The following KDM2B variants were observed in gnomAD, a reference collection of about 807,000 sequenced individuals.
KDM2B encodes lysine demethylase 2B.
Under a neutral mutation model 150.0 loss-of-function variants are expected in KDM2B, and 26 were observed. The ratio of observed to expected loss-of-function variants is 0.17; its 90% CI spans 0.13 to 0.24. The LOEUF (loss-of-function observed/expected upper bound fraction) is 0.24, where lower values mean the gene tolerates loss of function less well. Among genes scored for constraint, KDM2B ranks in the 10% least tolerant of loss-of-function variants. The pLI is 1.00. For missense variants in KDM2B, 1,265 were observed against 1,816.9 expected, an observed-to-expected ratio of 0.70 and a Z score of 5.52; for synonymous variants, 734 against 729.5, an observed-to-expected ratio of 1.01 and a Z score of -0.10.
At chr12:121,551,651 C>G (rs1190676117) in intron 4 of KDM2B, among the ~76,000 whole-genome samples, 3 of 152,292 alleles carry the variant, frequency 2.0e-5, no homozygotes, top group Middle Eastern at 3.4e-3. Flanking sequence ...CTGCGGGGTT[C>G]AAGTGATTCT....
chr12:121,426,440 C>G (rs1326416043), downstream of KDM2B, among the ~76,000 whole-genome samples: 5 of 132,666 alleles, frequency 3.8e-5, no homozygotes, highest in Non-Finnish European at 6.1e-5. Flanking sequence ...GCCTTTCTAC[C>G]CCCTCCCCCC....
intron 12 of KDM2B, among the ~76,000 whole-genome samples, chr12:121,477,838 A>C (rs1176860635): frequency 6.6e-6 from 1 of 151,842 alleles, no homozygotes; most frequent in Non-Finnish European, 1.5e-5. Context: ...TTGGCCTCCC[A>C]AAGTGCTAGG....
Position 121,509,750 on chromosome 12 carries a change from T to C in KDM2B, c.1464A>G (p.Val488=). ...EESVKSTTLA[V]DYPKTPTGSP... ...AGCCGGTGGGGGTCTTGGGGTAGTCTACGGCCAATGTGGTGGACTTCACAC... is the reference window on the plus strand; with the variant it reads ...AGCCGGTGGGGGTCTTGGGGTAGTCCACGGCCAATGTGGTGGACTTCACAC... Residue 488 remains valine, a synonymous_variant, in exon 11 of 23, where the codon GTA becomes GTG. Coordinates refer to ENST00000377071, the MANE Select transcript of KDM2B (RefSeq NM_032590.5). 6.2e-7 allele frequency: 1 copy of C among 1,614,128 alleles called. No individual in the cohort carries two copies. Among genetic ancestry groups the C allele is most frequent in the Non-Finnish European group, 8.5e-7 (1 of 1,180,028 alleles).
intron 6 of KDM2B, among the ~76,000 whole-genome samples, chr12:121,535,660 C>G (rs1317005401): frequency 6.6e-6 from 1 of 152,164 alleles, no homozygotes; most frequent in Non-Finnish European, 1.5e-5. Flanking sequence ...GGAGGAAGAA[C>G]TTGGACCTTG....
At chr12:121,577,799 C>T (rs1413681766) in intron 2 of KDM2B, among the ~76,000 whole-genome samples, 2 of 152,138 alleles carry the variant, frequency 1.3e-5, no homozygotes, top group East Asian at 3.9e-4. Context: ...TTCAAAACCC[C>T]AATCCCGCAG....
Position 121,494,595 on chromosome 12 carries a change from G to A in KDM2B, c.1718C>T (p.Pro573Leu). Residue 573 changes from proline to leucine, a missense_variant, in exon 12 of 23, where the codon CCA (proline) becomes CTA (leucine). Pro to Leu is a moderately conservative substitution (Grantham distance 98, BLOSUM62 -3). Around this residue, in one of 11 missense-constraint regions of KDM2B, gnomAD observed 69 missense variants for 85.7 expected, o/e 0.81. Coordinates refer to ENST00000377071, the MANE Select transcript of KDM2B (RefSeq NM_032590.5). ...GCGTCTTACCTTTGGAGTCTTCTTTGGCCAAGTCACCACAGGGACCCCAGT... is the reference window on the plus strand; with the variant it reads ...GCGTCTTACCTTTGGAGTCTTCTTTAGCCAAGTCACCACAGGGACCCCAGT... ...AITGVPVVTW[P>L]KKTPKNRAVG... The A allele has an allele frequency of 1.2e-6, 2 of 1,613,154 alleles. No individual in the cohort carries two copies. Among genetic ancestry groups the A allele is most frequent in the Non-Finnish European group, 1.7e-6 (2 of 1,179,562 alleles).
chr12:121,521,901 C>G lies in KDM2B; in HGVS notation c.932-801G>C, dbSNP rs28508242. Reference sequence around the variant, plus strand: ...AGGCGGGAAGATCGCTTGAGCTCAGCAGTTTGAGATCAGCCTGGACAATAT... The same window carrying G: ...AGGCGGGAAGATCGCTTGAGCTCAGGAGTTTGAGATCAGCCTGGACAATAT... On this transcript the variant is annotated intron_variant, in intron 8 of 22. Coordinates refer to ENST00000377071, the MANE Select transcript of KDM2B (RefSeq NM_032590.5). The surrounding 1 kb of genome is among the most constrained non-coding windows in gnomAD (Gnocchi z 4.9). Among the ~76,000 whole-genome samples the G allele has an allele frequency of 0.14, 21,578 of 151,690 alleles. 4,307 individuals are homozygous for G. Among genetic ancestry groups the G allele is most frequent in the African/African-American group, 0.44 (18,320 of 41,352 alleles).
At position 121,481,740 on chromosome 12, in the gene KDM2B, T is replaced by C. The variant is rs56840708; in HGVS notation, c.1734+12839A>G. Among the ~76,000 whole-genome samples the C allele has an allele frequency of 4.0e-3, 608 of 151,262 alleles. 24 individuals are homozygous for C. The East Asian group carries it at 0.083, about 21-fold the overall frequency. ...GAGCCCTCAAGATCTCAATTGCTTT[T>C]CAAGAACTTATCTTAGGGTTTTTTT... On this transcript the variant is annotated intron_variant, in intron 12 of 22. Coordinates refer to ENST00000377071, the MANE Select transcript of KDM2B (RefSeq NM_032590.5).
rs371434576 is a variant in KDM2B, at chr12:121,549,564, G to A, written c.472C>T (p.Arg158Cys). ...GTEMSMSQFVRYYETPEAQRD... is the reference protein window; with the variant it reads ...GTEMSMSQFVCYYETPEAQRD... Reference sequence around the variant, plus strand: ...TGGGCCTCGGGCGTCTCGTAGTAACGCACAAACTGGGACATGCTCATCTCC... The same window carrying A: ...TGGGCCTCGGGCGTCTCGTAGTAACACACAAACTGGGACATGCTCATCTCC... Residue 158 changes from arginine to cysteine, a missense_variant, in exon 5 of 23, where the codon CGT becomes TGT. By Grantham distance (180) the Arg-to-Cys change is radical. Around this residue, in one of 11 missense-constraint regions of KDM2B, gnomAD observed 214 missense variants for 447.4 expected, o/e 0.48. Transcript: ENST00000377071. The surrounding 1 kb of genome is among the most constrained non-coding windows in gnomAD (Gnocchi z 4.4). The A allele has an allele frequency of 1.9e-6, 3 of 1,613,178 alleles. No individual in the cohort carries two copies. The highest frequency in any genetic ancestry group is 1.1e-5 in the South Asian group (1 of 91,016).
chr12:121,564,661 A>G (rs567143453), intron 4 of KDM2B, among the ~76,000 whole-genome samples: 4 of 152,262 alleles, frequency 2.6e-5, no homozygotes, highest in African/African-American at 9.6e-5. Flanking sequence ...TGCGATGTTC[A>G]CTGAATAGAA....
chr12:121,493,479 G>A (rs190103935), intron 12 of KDM2B, among the ~76,000 whole-genome samples: 4 of 152,244 alleles, frequency 2.6e-5, no homozygotes, highest in South Asian at 2.1e-4. Context: ...GAGGCAGACG[G>A]ATGGTACAGA....
chr12:121,420,356 G>T, the KDM2B span: 2 of 1,555,386 alleles, frequency 1.3e-6, no homozygotes, highest in South Asian at 1.2e-5. Context: ...TATAAAATTT[G>T]GTTTCCCTGA....
the KDM2B span, among the ~76,000 whole-genome samples, chr12:121,422,797 A>G: frequency 3.3e-5 from 5 of 152,218 alleles, no homozygotes; most frequent in African/African-American, 1.2e-4. Context: ...AGGTGGGCCA[A>G]GAGCCAGGAC....
chr12:121,506,923 T>C (rs1474944276), intron 11 of KDM2B, among the ~76,000 whole-genome samples: 7 of 133,436 alleles, frequency 5.2e-5, no homozygotes, highest in Admixed American at 4.5e-4. Flanking sequence ...GCATCAAGAG[T>C]GAAACTCCAT....
intron 13 of KDM2B, among the ~76,000 whole-genome samples, chr12:121,446,333 G>C (rs1876261564): frequency 6.6e-6 from 1 of 152,238 alleles, no homozygotes; most frequent in Admixed American, 6.5e-5. Flanking sequence ...GGAAGACAGA[G>C]GTTGCAGTGA....
In KDM2B at chr12:121,521,025, G is replaced by A. The variant is rs1886640649; in HGVS notation, c.1007C>T (p.Pro336Leu). Reference sequence around the variant, plus strand: ...GATCTCGTAGATCCGCAGCTGCATGGGCACGTTAAAGCTGTGCAGGATGTT... The same window carrying A: ...GATCTCGTAGATCCGCAGCTGCATGAGCACGTTAAAGCTGTGCAGGATGTT... The part of the protein sequence containing the change: ...GGNILHSFNV[P>L]MQLRIYEIED... The change falls in exon 9 of 23, where the codon CCC (proline) becomes CTC (leucine). Residue 336 changes from proline to leucine, a missense_variant. Pro to Leu is a moderately conservative substitution (Grantham distance 98, BLOSUM62 -3). This residue lies in a region of KDM2B where 214 missense variants were observed against 447.4 expected (regional missense o/e 0.48). Coordinates refer to ENST00000377071, the MANE Select transcript of KDM2B (RefSeq NM_032590.5). The surrounding 1 kb of genome is among the most constrained non-coding windows in gnomAD (Gnocchi z 4.9). The A allele has an allele frequency of 6.2e-7, 1 of 1,613,918 alleles. No homozygotes were observed. The highest frequency in any genetic ancestry group is 1.3e-5 in the African/African-American group (1 of 74,896).
rs782273249 is a variant in KDM2B, at chr12:121,445,332, G to A, written c.2046C>T (p.Asn682=). Reference sequence around the variant, plus strand: ...AGATGGAGCACTCCATGAGCATGAGGTTAAACTTGCCTTCCTCCTCTTCCA... The same window carrying A: ...AGATGGAGCACTCCATGAGCATGAGATTAAACTTGCCTTCCTCCTCTTCCA... The part of the protein sequence containing the change: ...DTVEEEEGKF[N]LMLMECSICN... The change falls in exon 14 of 23, where the codon AAC becomes AAT. Residue 682 remains asparagine (N), a synonymous_variant. Transcript: ENST00000377071. 6.2e-7 allele frequency: 1 copy of A among 1,613,896 alleles called. No individual in the cohort carries two copies. The highest frequency in any genetic ancestry group is 8.5e-7 in the Non-Finnish European group (1 of 1,179,878).
At chr12:121,420,773 A>C in the KDM2B span, 1 of 1,609,754 alleles carries the variant, frequency 6.2e-7, no homozygotes, top group Non-Finnish European at 8.5e-7. Flanking sequence ...GAAAACCAAA[A>C]GTCCTGTAGG....
At chr12:121,565,037 T>TGCCTAGGCTGGTCTCAAAC (rs1890603388) in intron 4 of KDM2B, among the ~76,000 whole-genome samples, 1 of 152,108 alleles carries the variant, frequency 6.6e-6, no homozygotes, top group Non-Finnish European at 1.5e-5. Flanking sequence ...TTCATCATGT[T>TGCCTAGGCTGGTCTCAAAC]GCCTAGGCTG....
Sources: allele counts gnomAD v4.1 joint callset (sites outside exome capture counted in the v4.1 genomes callset), GRCh38; gene constraint gnomAD v4.1.1; regional missense constraint gnomAD v4.1.1; non-coding constraint Gnocchi (gnomAD v3.1); transcripts MANE v1.5; gene names NCBI Gene and HGNC (gene_info 2026-07-23, HGNC 2026-07-21).